CSMD1: variants seen among roughly 807,000 people sequenced by gnomAD.
CSMD1 encodes the protein CUB and sushi domain-containing protein 1.
A neutral mutation model predicts 417.5 loss-of-function variants in CSMD1; 213 were observed. The ratio of observed to expected loss-of-function variants is 0.51; its 90% CI spans 0.46 to 0.57. The LOEUF is 0.57. Among genes scored for constraint, CSMD1 ranks in the 20% least tolerant of loss-of-function variants. CSMD1 has a pLI of 0.00. For missense variants in CSMD1, 6,923 were observed against 4,529.7 expected (o/e 1.53, Z -15.17); for synonymous variants, 2,862 against 1,736.8 (o/e 1.65, Z -16.11).
intron 3 of CSMD1, among the ~76,000 whole-genome samples, chr8:4,272,850 G>A (rs1287687324): frequency 2.0e-5 from 3 of 152,000 alleles, no homozygotes; most frequent in Admixed American, 1.3e-4. Flanking sequence ...AATAAGTCTC[G>A]ACACACAGAT....
At chr8:4,881,921 G>T (rs990249382) in intron 1 of CSMD1, among the ~76,000 whole-genome samples, 3 of 151,864 alleles carry the variant, frequency 2.0e-5, no homozygotes, top group African/African-American at 7.3e-5. Context: ...ACTTTTGTGG[G>T]GTTCTTCTTG....
intron 5 of CSMD1, among the ~76,000 whole-genome samples, chr8:3,776,258 C>T (rs984026114): frequency 2.6e-5 from 4 of 152,166 alleles, no homozygotes; most frequent in African/African-American, 9.7e-5. Flanking sequence ...TGCTTCTATC[C>T]TCCCTGCTCC....
intron 3 of CSMD1, among the ~76,000 whole-genome samples, chr8:4,041,293 AT>A (rs60268191): frequency 0.26 from 40,042 of 151,956 alleles, 5,405 homozygotes; most frequent in Admixed American, 0.29. Context: ...CGGGGATTAC[AT>A]GCGTGAGCCA....
chr8:3,541,746 A>AT (rs1554461819), intron 10 of CSMD1, among the ~76,000 whole-genome samples: 6,396 of 140,594 alleles, frequency 0.045, 443 homozygotes, highest in African/African-American at 0.17. Context: ...ATATTATATA[A>AT]ATATATATAA....
chr8:3,896,282 G>C (rs1489195875), intron 5 of CSMD1, among the ~76,000 whole-genome samples: 2 of 152,102 alleles, frequency 1.3e-5, no homozygotes, highest in South Asian at 2.1e-4. Context: ...CTGTCTATGA[G>C]TGACATCGCC....
intron 3 of CSMD1, among the ~76,000 whole-genome samples, chr8:4,280,897 T>G (rs1250833548): frequency 6.6e-6 from 1 of 152,222 alleles, no homozygotes; most frequent in South Asian, 2.1e-4. Flanking sequence ...TGGTAATTAG[T>G]TGTCATGGAA....
chr8:3,932,931 T>C (rs200396790), intron 5 of CSMD1, among the ~76,000 whole-genome samples: 1 of 150,524 alleles, frequency 6.6e-6, no homozygotes, highest in East Asian at 1.9e-4. Context: ...AGTAACTAAA[T>C]CTTTTTTAAA....
chr8:3,343,870 A>T (rs1236847009), intron 22 of CSMD1, among the ~76,000 whole-genome samples: 1 of 152,136 alleles, frequency 6.6e-6, no homozygotes, highest in African/African-American at 2.4e-5. Context: ...CAAAGAACAT[A>T]CCCTTCCTTT....
At chr8:4,661,080 C>T (rs183897797) in intron 1 of CSMD1, among the ~76,000 whole-genome samples, 4 of 152,172 alleles carry the variant, frequency 2.6e-5, no homozygotes, top group African/African-American at 9.6e-5. Flanking sequence ...AAAACACAAC[C>T]TGCAACTATC....
At chr8:3,801,063 C>G (rs1800429617) in intron 5 of CSMD1, among the ~76,000 whole-genome samples, 1 of 151,658 alleles carries the variant, frequency 6.6e-6, no homozygotes, top group Non-Finnish European at 1.5e-5. Context: ...TGAGGCCATG[C>G]TTCCCTTGAT....
chr8:4,658,434 G>A (rs1804378141), intron 1 of CSMD1, among the ~76,000 whole-genome samples: 4 of 152,118 alleles, frequency 2.6e-5, no homozygotes, highest in Admixed American at 1.3e-4. Flanking sequence ...GAGGCCAGAA[G>A]CAAGTGGCAG....
chr8:4,864,236 T>C (rs1246631340), intron 1 of CSMD1, among the ~76,000 whole-genome samples: 1 of 151,754 alleles, frequency 6.6e-6, no homozygotes, highest in Non-Finnish European at 1.5e-5. Flanking sequence ...GTGTCCAAAA[T>C]AACATACTTA....
At chr8:3,440,975 A>G (rs765843327) in intron 12 of CSMD1, among the ~76,000 whole-genome samples, 19 of 152,174 alleles carry the variant, frequency 1.2e-4, no homozygotes, top group Non-Finnish European at 2.2e-4. Flanking sequence ...TGCAGATGGA[A>G]TGTAGTTAAA....
intron 12 of CSMD1, among the ~76,000 whole-genome samples, chr8:3,432,796 G>A (rs1042746441): frequency 6.6e-6 from 1 of 152,176 alleles, no homozygotes; most frequent in African/African-American, 2.4e-5. Flanking sequence ...TTACAGGCAT[G>A]AGCCACTACA....
chr8:4,664,064 T>C (rs1405544772), intron 1 of CSMD1, among the ~76,000 whole-genome samples: 2 of 152,174 alleles, frequency 1.3e-5, no homozygotes, highest in African/African-American at 2.4e-5. Context: ...CTGTGAACTG[T>C]GTGGGTTCTG....
intron 10 of CSMD1, among the ~76,000 whole-genome samples, chr8:3,541,992 G>A (rs889620777): frequency 6.6e-6 from 1 of 151,748 alleles, no homozygotes; most frequent in Non-Finnish European, 1.5e-5. Context: ...CTCCAGTCTC[G>A]GCAACAGGGA....
intron 50 of CSMD1, among the ~76,000 whole-genome samples, chr8:3,031,566 T>C (rs924854887): frequency 2.6e-5 from 4 of 152,100 alleles, no homozygotes; most frequent in African/African-American, 9.7e-5. Flanking sequence ...TTCTTTGTTG[T>C]TTCCTTGTTG....
At chr8:4,342,725 A>C (rs138777949) in intron 3 of CSMD1, among the ~76,000 whole-genome samples, 1 of 152,234 alleles carries the variant, frequency 6.6e-6, no homozygotes, top group Non-Finnish European at 1.5e-5. Flanking sequence ...AAGGGAGAAC[A>C]TTCCGCAGTA....
chr8:4,672,075 C>G (rs1356537677), intron 1 of CSMD1, among the ~76,000 whole-genome samples: 3 of 152,134 alleles, frequency 2.0e-5, no homozygotes, highest in Non-Finnish European at 4.4e-5. Context: ...GATAGAGTTT[C>G]CTTTAAGAAT....
Sources: allele counts gnomAD v4.1 joint callset (sites outside exome capture counted in the v4.1 genomes callset), GRCh38; gene constraint gnomAD v4.1.1; transcripts MANE v1.5; gene names NCBI Gene and HGNC (gene_info 2026-07-23, HGNC 2026-07-21).